RALA: variants seen among roughly 807,000 people sequenced by gnomAD.
RALA encodes ras-related protein Ral-A.
RALA carries 5 observed loss-of-function variants against 24.0 expected under a neutral mutation model. The observed-to-expected ratio is 0.21, with a 90% confidence interval of 0.11 to 0.44. The LOEUF (loss-of-function observed/expected upper bound fraction) is 0.44. Among genes scored for constraint, RALA ranks in the 20% least tolerant of loss-of-function variants. The pLI is 0.99. For synonymous variants in RALA, 77 were observed against 83.8 expected (o/e 0.92, Z 0.44); for missense variants, 95 against 241.2 (o/e 0.39, Z 4.01).
chr7:39,662,333 A>G (rs887521821), intron 1 of RALA, among the ~76,000 whole-genome samples: 2 of 152,116 alleles, frequency 1.3e-5, no homozygotes, highest in Non-Finnish European at 2.9e-5. Flanking sequence ...ATTTCTGCAG[A>G]CGGCTTGAAT....
intron 1 of RALA, among the ~76,000 whole-genome samples, chr7:39,678,222 G>A (rs1293610858): frequency 6.6e-6 from 1 of 151,832 alleles, no homozygotes; most frequent in Admixed American, 6.6e-5. Context: ...TTCATTTTGG[G>A]CTTCTGGCAT....
chr7:39,704,965 C>T (rs1337251565), intron 4 of RALA, among the ~76,000 whole-genome samples: 1 of 152,152 alleles, frequency 6.6e-6, no homozygotes, highest in Non-Finnish European at 1.5e-5. Flanking sequence ...TGTGAGTCAC[C>T]ATGCCTGGCC....
At chr7:39,676,189 A>G (rs530569205) in intron 1 of RALA, among the ~76,000 whole-genome samples, 2 of 152,230 alleles carry the variant, frequency 1.3e-5, no homozygotes, top group South Asian at 4.1e-4. Flanking sequence ...GTTAGCCAGG[A>G]TGGTCTCGAT....
intron 1 of RALA, among the ~76,000 whole-genome samples, chr7:39,666,719 G>A (rs982451471): frequency 1.4e-4 from 21 of 152,102 alleles, no homozygotes; most frequent in African/African-American, 4.8e-4. Flanking sequence ...TCCTTAAAAA[G>A]AATTGGCTAT....
chr7:39,652,233 T>C (rs548962463), intron 1 of RALA, among the ~76,000 whole-genome samples: 1 of 152,272 alleles, frequency 6.6e-6, no homozygotes, highest in Admixed American at 6.5e-5. Context: ...CCCATGAGGG[T>C]GGCCTCTTAT....
At position 39,690,421 on chromosome 7, in the gene RALA, C is replaced by T. The variant is rs1792794849; in HGVS notation, c.154C>T (p.Arg52Trp). 1 of 1,613,936 alleles carries T rather than the reference C, an allele frequency of 6.2e-7. No homozygotes were observed. The highest frequency in any genetic ancestry group is 8.5e-7 in the Non-Finnish European group (1 of 1,179,910). Residue 52 changes from arginine (R) to tryptophan (W), a missense_variant, in exon 3 of 5, where the codon CGG becomes TGG. Physicochemically the swap from Arg to Trp is moderately radical, Grantham distance 101 (BLOSUM62 -3). Transcript: ENST00000005257. Reference protein sequence around the residue: ...DYEPTKADSYRKKVVLDGEEV... With the variant: ...DYEPTKADSYWKKVVLDGEEV... ...TGAGCCTACCAAAGCAGACAGCTAT[C>T]GGAAGAAGGTAGTGCTAGATGGGGA...
At chr7:39,686,958 A>G (rs1272885714) in intron 2 of RALA, among the ~76,000 whole-genome samples, 177 bp downstream of exon 2, 1 of 152,144 alleles carries the variant, frequency 6.6e-6, no homozygotes. Flanking sequence ...TCAGGAACTT[A>G]TGGTCCTTAA....
Position 39,699,118 on chromosome 7 carries a change from G to GTTTTTTTTTTTTT in RALA, c.498+2261_498+2262insTTTTTTTTTTTTT, listed in dbSNP as rs1209729467. 3.6e-5 allele frequency among the ~76,000 whole-genome samples: 3 copies of GTTTTTTTTTTTTT among 84,140 alleles called. 1 individual carries two copies. Among genetic ancestry groups the GTTTTTTTTTTTTT allele is most frequent in the African/African-American group, 1.4e-4 (3 of 21,318 alleles). The allele number at this position is 84,140 out of a possible 152,430, so 55.2% of individuals were successfully genotyped here. A position where few individuals can be genotyped will look rare whatever the true frequency, so the allele number is the denominator to read the frequency against. On this transcript the variant is annotated intron_variant, in intron 4 of 4. Coordinates refer to ENST00000005257, the MANE Select transcript of RALA (RefSeq NM_005402.4). The stretch of plus-strand genomic sequence containing the variant: ...ACCCAGCAATTTAAGTGCTAAAAAT[G>GTTTTTTTTTTTTT]TTATTTTTTTTTTTTTTTTTTTTTT...
chr7:39,675,633 G>C (rs896180766), intron 1 of RALA, among the ~76,000 whole-genome samples: 2 of 151,954 alleles, frequency 1.3e-5, no homozygotes, highest in African/African-American at 4.8e-5. Context: ...GGCTGAGGTG[G>C]GAGGATCACT....
At chr7:39,683,234 C>T (rs1562621402) in intron 1 of RALA, among the ~76,000 whole-genome samples, 1 of 152,208 alleles carries the variant, frequency 6.6e-6, no homozygotes, top group Non-Finnish European at 1.5e-5. Flanking sequence ...AACAGACTGA[C>T]ACTAGGCTTC....
chr7:39,650,220 C>A (rs1360871629), intron 1 of RALA, among the ~76,000 whole-genome samples: 1 of 152,158 alleles, frequency 6.6e-6, no homozygotes, highest in African/African-American at 2.4e-5. Context: ...GGATCTTGAT[C>A]AGTTTCATTT....
intron 1 of RALA, among the ~76,000 whole-genome samples, chr7:39,628,757 A>G (rs761059960): frequency 1.3e-5 from 2 of 151,988 alleles, no homozygotes. Flanking sequence ...GGGTTTCACC[A>G]TGCTGGCCAG....
intron 1 of RALA, among the ~76,000 whole-genome samples, chr7:39,627,314 A>G (rs1791509539): frequency 6.6e-6 from 1 of 152,200 alleles, no homozygotes; most frequent in Non-Finnish European, 1.5e-5. Flanking sequence ...CGTGAAGGTG[A>G]TGACTTAGTT....
chr7:39,669,452 A>G (rs1190956174), intron 1 of RALA, among the ~76,000 whole-genome samples: 1 of 152,226 alleles, frequency 6.6e-6, no homozygotes, highest in Non-Finnish European at 1.5e-5. Context: ...ACATGTGTTA[A>G]AGAGTGGGAT....
intron 1 of RALA, among the ~76,000 whole-genome samples, chr7:39,669,898 C>T (rs1202518205): frequency 6.6e-6 from 1 of 151,292 alleles, no homozygotes; most frequent in Non-Finnish European, 1.5e-5. Flanking sequence ...TAAGCAAGTG[C>T]CCTACTCATT....
At chr7:39,650,731 A>G (rs926015644) in intron 1 of RALA, among the ~76,000 whole-genome samples, 15 of 152,276 alleles carry the variant, frequency 9.9e-5, no homozygotes, top group Admixed American at 8.5e-4. Flanking sequence ...ATTTATTACC[A>G]CAGTTCCTGT....
At chr7:39,688,239 A>G (rs1387533433) in intron 2 of RALA, among the ~76,000 whole-genome samples, 1 of 152,166 alleles carries the variant, frequency 6.6e-6, no homozygotes, top group African/African-American at 2.4e-5. Context: ...TGTCTCTATG[A>G]AAAAATTAAA....
intron 1 of RALA, among the ~76,000 whole-genome samples, chr7:39,645,280 A>T (rs1024832521): frequency 2.0e-5 from 3 of 152,174 alleles, no homozygotes; most frequent in Admixed American, 6.5e-5. Context: ...TAGTCAATAA[A>T]CCTATTTTGT....
intron 1 of RALA, among the ~76,000 whole-genome samples, chr7:39,634,849 T>C (rs1791659463): frequency 6.6e-6 from 1 of 152,212 alleles, no homozygotes; most frequent in Admixed American, 6.5e-5. Context: ...GTTCATAAAA[T>C]CCATTTCTTT....
Sources: allele counts gnomAD v4.1 joint callset (sites outside exome capture counted in the v4.1 genomes callset), GRCh38; gene constraint gnomAD v4.1.1; transcripts MANE v1.5; gene names NCBI Gene and HGNC (gene_info 2026-07-23, HGNC 2026-07-21).